The following RIOX2 variants were observed in gnomAD, a reference collection of about 807,000 sequenced individuals.
The protein encoded by RIOX2 is 60S ribosomal protein L27a histidine hydroxylase.
A neutral mutation model predicts 51.2 loss-of-function variants in RIOX2; 43 were observed. That is an observed-to-expected ratio of 0.84 (90% confidence interval 0.66 to 1.08). RIOX2 has a LOEUF of 1.08. Among genes scored for constraint, RIOX2 ranks in the 50% least tolerant of loss-of-function variants. RIOX2 has a pLI of 0.00. For missense variants in RIOX2, 566 were observed against 561.7 expected, an observed-to-expected ratio of 1.01 and a Z score of -0.08; for synonymous variants, 226 against 218.5, an observed-to-expected ratio of 1.03 and a Z score of -0.30.
chr3:97,967,355 A>G lies in RIOX2; in HGVS notation c.239T>C (p.Leu80Pro). The G allele has an allele frequency of 6.2e-7, 1 of 1,614,216 alleles. No individual in the cohort carries two copies. The highest frequency in any genetic ancestry group is 8.5e-7 in the Non-Finnish European group (1 of 1,180,026). Residue 80 changes from leucine to proline, a missense_variant, in exon 2 of 10, where the codon CTG becomes CCG. By Grantham distance (98) the Leu-to-Pro change is moderately conservative. Transcript: ENST00000394198. Reference protein sequence around the residue: ...DPALATYYGSLFKLTDLKSLC... With the variant: ...DPALATYYGSPFKLTDLKSLC... ...ACTCTTCAGATCTGTTAGCTTGAAC[A>G]GGGACCCATAGTATGTGGCCAGTGC... is the stretch of plus-strand genomic sequence containing the variant.
chr3:97,945,414 A>C lies in RIOX2; in HGVS notation c.1240-72T>G. ...TCATTGAAGTAGCATTTTCCTGTAA[A>C]TTTATTCTCCATACATCATTATTTT... is the stretch of plus-strand genomic sequence containing the variant. On this transcript the variant is annotated intron_variant, in intron 9 of 9. Transcript: ENST00000394198. The C allele has an allele frequency of 2.2e-6, 3 of 1,339,840 alleles. No homozygotes were observed. The East Asian group carries it at 7.4e-5, about 33-fold the overall frequency. 83.0% of individuals were successfully genotyped at this position (1,339,840 alleles called of 1,614,324 possible). A position where few individuals can be genotyped will look rare whatever the true frequency, so the allele number is the denominator to read the frequency against.
Position 97,945,859 on chromosome 3 carries a change from A to G in RIOX2, c.1178T>C (p.Ile393Thr). 6.2e-7 allele frequency: 1 copy of G among 1,610,152 alleles called. No individual in the cohort carries two copies. Among genetic ancestry groups the G allele is most frequent in the African/African-American group, 1.3e-5 (1 of 74,896 alleles). ...TCTACTATTCTTTAAGGAATGATAG[A>G]TGTACACCATCTTTTCTTGAGCTTC... ...SDEAQEKMVY[I>T]YHSLKNSRET... The change falls in exon 9 of 10, where the codon ATC (isoleucine) becomes ACC (threonine). Residue 393 changes from isoleucine (I) to threonine (T), a missense_variant. By Grantham distance (89) the Ile-to-Thr change is moderately conservative (BLOSUM62 -1). Coordinates refer to ENST00000394198, the MANE Select transcript of RIOX2 (RefSeq NM_153182.4).
intron 5 of RIOX2, chr3:97,952,091 C>T: frequency 1.0e-6 from 1 of 981,058 alleles, no homozygotes. Context: ...ATACAGCAGA[C>T]CCCCAAACAC....
rs553277720 is a variant in RIOX2, at chr3:97,946,351, G to A, written c.1150-464C>T. Among the ~76,000 whole-genome samples, 99 of 151,638 alleles carry A rather than the reference G, an allele frequency of 6.5e-4. 2 individuals carry two copies. Among genetic ancestry groups the A allele is most frequent in the Admixed American group, 3.9e-4 (6 of 15,214 alleles). On this transcript the variant is annotated intron_variant, in intron 8 of 9. Transcript: ENST00000394198. ...CCTGAGAAATACCAGCTGTGTGATC[G>A]ATAAAAAACTCCATTTCAATTACAC...
Position 97,950,836 on chromosome 3 carries a change from C to CT in RIOX2, c.837_838insA (p.Ala280SerfsTer90), listed in dbSNP as rs1401504044. ...GTCCGTAACTCCACGTCTTCCTTTG[C>CT]AGTATCAAATACAAGCCCCGAGATG... On this transcript the variant is annotated frameshift_variant, in exon 6 of 10. Transcript: ENST00000394198. LOFTEE classifies it high-confidence loss of function. 4 of 1,613,728 alleles carry CT rather than the reference C, an allele frequency of 2.5e-6. No homozygotes were observed. In the Admixed American group the frequency reaches 6.7e-5, roughly 27 times the overall value.
chr3:97,943,355 G>A lies in RIOX2; in HGVS notation c.*1829C>T. On this transcript the variant is annotated 3_prime_UTR_variant, in exon 10 of 10. Transcript: ENST00000394198. ...TAGAAAGATCCCTAGAAAGAGCAAAGAAGGAAACACATCTGTCATTGTCTT... is the reference window on the plus strand; with the variant it reads ...TAGAAAGATCCCTAGAAAGAGCAAAAAAGGAAACACATCTGTCATTGTCTT... The A allele has an allele frequency of 8.9e-7, 1 of 1,129,646 alleles. No individual in the cohort carries two copies. The highest frequency in any genetic ancestry group is 1.8e-5 in the Admixed American group (1 of 56,136). 70.0% of individuals were successfully genotyped at this position (1,129,646 alleles called of 1,614,324 possible).
chr3:97,956,519 G>A (rs544292683), intron 4 of RIOX2, among the ~76,000 whole-genome samples: 32 of 149,802 alleles, frequency 2.1e-4, no homozygotes, highest in Admixed American at 9.9e-4. Flanking sequence ...TTTTTGAGAC[G>A]GAGTTTCGTT....
chr3:97,967,188 G>C lies in RIOX2; in HGVS notation c.406C>G (p.Gln136Glu), dbSNP rs143860415. 5 of 1,614,026 alleles carry C rather than the reference G, an allele frequency of 3.1e-6. No individual in the cohort carries two copies. Among genetic ancestry groups the C allele is most frequent in the Non-Finnish European group, 4.2e-6 (5 of 1,179,936 alleles). ...TTAAATCTCTGAGGTTGGTGAAACT[G>C]AATCGTTGCCCTTTTCTGATCAAAA... is the stretch of plus-strand genomic sequence containing the variant. ...KDFDQKRATI[Q>E]FHQPQRFKDE... The change falls in exon 2 of 10, where the codon CAG becomes GAG. Residue 136 changes from glutamine (Q) to glutamate (E), a missense_variant. Coordinates refer to ENST00000394198, the MANE Select transcript of RIOX2 (RefSeq NM_153182.4).
intron 8 of RIOX2, among the ~76,000 whole-genome samples, 195 bp downstream of exon 8, chr3:97,947,166 G>T (rs946566271): frequency 6.6e-5 from 10 of 152,150 alleles, no homozygotes; most frequent in Non-Finnish European, 1.2e-4. Context: ...GGAAGGTTCT[G>T]TGAGGATGAG....
chr3:97,969,637 GCA>G (rs1053220595), intron 1 of RIOX2, among the ~76,000 whole-genome samples: 15 of 152,302 alleles, frequency 9.8e-5, no homozygotes, highest in African/African-American at 2.9e-4. Context: ...TATGTGCCAG[GCA>G]GGGGTGGCCT....
At chr3:97,953,577 T>A (rs1705329167) in intron 5 of RIOX2, among the ~76,000 whole-genome samples, 1 of 152,044 alleles carries the variant, frequency 6.6e-6, no homozygotes, top group Non-Finnish European at 1.5e-5. Context: ...GAGATGGGGT[T>A]TCACCATGTT....
At chr3:97,946,423 A>G (rs1390701818) in intron 8 of RIOX2, among the ~76,000 whole-genome samples, 2 of 151,842 alleles carry the variant, frequency 1.3e-5, no homozygotes, top group Non-Finnish European at 2.9e-5. Flanking sequence ...CATGTTACAC[A>G]GTGCAGTTTA....
chr3:97,949,335 C>G (rs1705144701), intron 7 of RIOX2, among the ~76,000 whole-genome samples: 1 of 152,096 alleles, frequency 6.6e-6, no homozygotes, highest in African/African-American at 2.4e-5. Flanking sequence ...GCTCCCTTTC[C>G]CCTTCCACTG....
Position 97,944,685 on chromosome 3 carries a change from T to C in RIOX2, c.*499A>G, listed in dbSNP as rs1394773270. On this transcript the variant is annotated 3_prime_UTR_variant, in exon 10 of 10. Coordinates refer to ENST00000394198, the MANE Select transcript of RIOX2 (RefSeq NM_153182.4). ...ATAGGTGTTGCGTGCCTCTCATCTG[T>C]GGGGAAGTATTATTTAATAAAATTT... is the stretch of plus-strand genomic sequence containing the variant. 1 of 152,424 alleles carries C rather than the reference T, an allele frequency of 6.6e-6. No homozygotes were observed. The allele number at this position is 152,424 out of a possible 1,614,324, so 9.4% of individuals were successfully genotyped here. A position where few individuals can be genotyped will look rare whatever the true frequency, so the allele number is the denominator to read the frequency against.
intron 2 of RIOX2, among the ~76,000 whole-genome samples, chr3:97,965,253 T>C (rs1559764563): frequency 6.8e-6 from 1 of 146,434 alleles, no homozygotes. Flanking sequence ...GGCTCACGCC[T>C]GTAATCCCAG....
At chr3:97,945,511 G>C (rs1014471889) in intron 9 of RIOX2, 169 bp from the exon 10 acceptor site, 1 of 636,240 alleles carries the variant, frequency 1.6e-6, no homozygotes, top group African/African-American at 1.9e-5. Context: ...CTATATAAAA[G>C]GCATCCTAAT....
chr3:97,952,577 C>A (rs1342148872), intron 5 of RIOX2, among the ~76,000 whole-genome samples: 2 of 152,090 alleles, frequency 1.3e-5, no homozygotes, highest in Non-Finnish European at 2.9e-5. Flanking sequence ...CACTAGAAAA[C>A]CAGTTGGTAG....
Position 97,954,446 on chromosome 3 carries a change from G to A in RIOX2, c.731C>T (p.Thr244Ile). The change falls in exon 5 of 10, where the codon ACT becomes ATT. Residue 244 changes from threonine to isoleucine, a missense_variant. Thr to Ile is a moderately conservative substitution (Grantham distance 89, BLOSUM62 -1). Transcript: ENST00000394198. The stretch of plus-strand genomic sequence containing the variant: ...AGTAGAGTGGGCCAGCCCCGCAGGA[G>A]TGTCCGCTTGATGAATGGTTCCTCT... Reference protein sequence around the residue: ...FPRGTIHQADTPAGLAHSTHV... With the variant: ...FPRGTIHQADIPAGLAHSTHV... 6.2e-7 allele frequency: 1 copy of A among 1,614,140 alleles called. No homozygotes were observed. Among genetic ancestry groups the A allele is most frequent in the Non-Finnish European group, 8.5e-7 (1 of 1,179,978 alleles).
intron 5 of RIOX2, among the ~76,000 whole-genome samples, chr3:97,953,541 GGC>G (rs1214409991): frequency 1.3e-5 from 2 of 152,024 alleles, no homozygotes; most frequent in Non-Finnish European, 2.9e-5. Context: ...CACCACACCT[GGC>G]TAATATTTGT....
Sources: gnomAD v4.1 joint callset for allele counts (sites outside exome capture counted in the v4.1 genomes callset) on GRCh38, gnomAD v4.1.1 for gene constraint, MANE v1.5 for transcripts, NCBI Gene and HGNC (gene_info 2026-07-23, HGNC 2026-07-21) for gene names.